Variants in MCM3AP observed in about 807,000 individuals in gnomAD.
The protein encoded by MCM3AP is minichromosome maintenance complex component 3 associated protein.
MCM3AP carries 126 observed loss-of-function variants against 184.1 expected under a neutral mutation model. The ratio of observed to expected loss-of-function variants is 0.68; its 90% CI spans 0.59 to 0.79. The LOEUF is 0.79. MCM3AP is among the 30% of genes least tolerant of loss of function. The probability of loss-of-function intolerance (pLI) is 0.00; values close to 1 mark genes in which losing one functional copy is unlikely to be tolerated. For missense variants in MCM3AP, 2,496 were observed against 2,479.2 expected, an observed-to-expected ratio of 1.01 and a Z score of -0.14; for synonymous variants, 1,002 against 979.3, an observed-to-expected ratio of 1.02 and a Z score of -0.43.
intron 10 of MCM3AP, chr21:46,266,780 G>A: frequency 1.7e-6 from 1 of 585,634 alleles, no homozygotes; most frequent in Non-Finnish European, 3.0e-6. Flanking sequence ...CAAAGAACTT[G>A]GTCTGAGCCC....
Position 46,284,609 on chromosome 21 carries a change from C to T in MCM3AP, c.678G>A (p.Leu226=), listed in dbSNP as rs374667971. The T allele has an allele frequency of 3.1e-6, 5 of 1,614,168 alleles. No homozygotes were observed. The highest frequency in any genetic ancestry group is 4.2e-6 in the Non-Finnish European group (5 of 1,180,030). The change falls in exon 1 of 28, where the codon TTG becomes TTA. Residue 226 remains leucine (L), a synonymous_variant. Coordinates refer to ENST00000291688, the MANE Select transcript of MCM3AP (RefSeq NM_003906.5). The part of the protein sequence containing the change: ...NNSLSAFTPA[L]SNQNVEEEKR... ...TCTCTTCCTCTACATTTTGGTTTGACAAAGCAGGGGTAAAGGCAGATAATG... is the reference window on the plus strand; with the variant it reads ...TCTCTTCCTCTACATTTTGGTTTGATAAAGCAGGGGTAAAGGCAGATAATG...
At chr21:46,258,055 G>A (rs1362865125) in intron 16 of MCM3AP, among the ~76,000 whole-genome samples, 2 of 152,070 alleles carry the variant, frequency 1.3e-5, no homozygotes, top group African/African-American at 4.8e-5. Flanking sequence ...CTACAGCCAA[G>A]CCTCCACCTC....
chr21:46,264,418 G>A (rs1335515395), intron 12 of MCM3AP, among the ~76,000 whole-genome samples: 2 of 152,174 alleles, frequency 1.3e-5, no homozygotes, highest in African/African-American at 4.8e-5. Context: ...CCCTGCGGAT[G>A]GCCACACAGC....
intron 16 of MCM3AP, among the ~76,000 whole-genome samples, chr21:46,257,234 GGAGGCCAAGGCGGGCGGACTGCCT>G (rs1032419903): frequency 5.3e-5 from 8 of 152,098 alleles, no homozygotes; most frequent in African/African-American, 1.7e-4. Flanking sequence ...CAGCACTTTG[GGAGGCCAAGGCGGGCGGACTGCCT>G]GAGCTCAAGA....
intron 15 of MCM3AP, 105 bp from the exon 16 acceptor site, chr21:46,259,196 C>T: frequency 8.8e-7 from 1 of 1,136,116 alleles, no homozygotes; most frequent in Admixed American, 2.4e-5. Context: ...TGGCTCACGC[C>T]TGTAATCCCA....
At chr21:46,275,521 T>C (rs1359723429) in intron 5 of MCM3AP, among the ~76,000 whole-genome samples, 196 bp from the exon 6 acceptor site, 2 of 152,060 alleles carry the variant, frequency 1.3e-5, no homozygotes, top group African/African-American at 4.8e-5. Flanking sequence ...CAGTGGGACA[T>C]CAAAGCTCCC....
intron 8 of MCM3AP, among the ~76,000 whole-genome samples, chr21:46,272,197 T>C (rs1308317814): frequency 1.3e-5 from 2 of 152,216 alleles, no homozygotes; most frequent in South Asian, 4.1e-4. Flanking sequence ...GACAAAACTA[T>C]CTGGGAACAG....
chr21:46,257,083 A>G (rs972774667), intron 16 of MCM3AP, 97 bp from the exon 17 acceptor site: 73 of 1,483,380 alleles, frequency 4.9e-5, no homozygotes, highest in South Asian at 1.8e-4. Flanking sequence ...AAGGAAGGAC[A>G]TCAAATGAGT....
At chr21:46,239,991 G>C in intron 26 of MCM3AP, among the ~76,000 whole-genome samples, 1 of 152,178 alleles carries the variant, frequency 6.6e-6, no homozygotes, top group East Asian at 1.9e-4. Context: ...GCGTTTTTGA[G>C]GAGTTTTACC....
At chr21:46,283,541 C>CAAA in intron 2 of MCM3AP, 74 bp downstream of exon 2, 38 of 810,326 alleles carry the variant, frequency 4.7e-5, no homozygotes, top group African/African-American at 1.1e-4. Context: ...ACTGAGGGAC[C>CAAA]AAAAAAAAAA....
chr21:46,260,070 C>T (rs2081021837), intron 15 of MCM3AP, among the ~76,000 whole-genome samples: 2 of 151,340 alleles, frequency 1.3e-5, no homozygotes, highest in South Asian at 2.1e-4. Flanking sequence ...AGCAAGACTC[C>T]GTCTTTAAAA....
At chr21:46,272,441 A>G in intron 8 of MCM3AP, 120 bp downstream of exon 8, 1 of 1,085,814 alleles carries the variant, frequency 9.2e-7, no homozygotes, top group African/African-American at 1.6e-5. Context: ...CTATCATCCC[A>G]ACATCTGCTA....
chr21:46,284,612 A>C lies in MCM3AP; in HGVS notation c.675T>G (p.Ala225=), dbSNP rs1372134436. The change falls in exon 1 of 28, where the codon GCT becomes GCG. Residue 225 remains alanine, a synonymous_variant. Transcript: ENST00000291688. ...CTTCCTCTACATTTTGGTTTGACAA[A>C]GCAGGGGTAAAGGCAGATAATGAAT... is the stretch of plus-strand genomic sequence containing the variant. The part of the protein sequence containing the change: ...SNNSLSAFTP[A]LSNQNVEEEK... The C allele has an allele frequency of 6.2e-7, 1 of 1,614,230 alleles. No individual in the cohort carries two copies. The highest frequency in any genetic ancestry group is 2.2e-5 in the East Asian group (1 of 44,890).
chr21:46,247,452 C>G (rs1374886790), intron 20 of MCM3AP, among the ~76,000 whole-genome samples: 1 of 60,588 alleles, frequency 1.7e-5, no homozygotes, highest in African/African-American at 6.2e-5. Context: ...GTGGCACGAT[C>G]TCAGCTCCCT....
At chr21:46,246,242 A>C (rs1030826270) in intron 22 of MCM3AP, 65 bp downstream of exon 22, 19 of 978,812 alleles carry the variant, frequency 1.9e-5, no homozygotes, top group Non-Finnish European at 3.0e-5. Flanking sequence ...CACTCAATTC[A>C]AGATACAGCA....
At chr21:46,266,443 A>G (rs965822321) in intron 10 of MCM3AP, 2 of 330,132 alleles carry the variant, frequency 6.1e-6, no homozygotes, top group Non-Finnish European at 1.1e-5. Flanking sequence ...ACAGAACTGG[A>G]AGGAGGAGAC....
rs1340171549 is a variant in MCM3AP at position 46,237,441 on chromosome 21, G to GCCTCCTCCAGATGCTAGGCATCA, written c.5634-463_5634-462insTGATGCCTAGCATCTGGAGGAGG. On this transcript the variant is annotated intron_variant, in intron 26 of 27. Transcript: ENST00000291688. ...TTTTTTTTTGACAAGGTCTCGCTCT[G>GCCTCCTCCAGATGCTAGGCATCA]TTGGCCAGGCCGGAGTGCAGTGTTA... Among the ~76,000 whole-genome samples the GCCTCCTCCAGATGCTAGGCATCA allele has an allele frequency of 1.8e-3, 99 of 54,270 alleles. 1 individual carries two copies. Among genetic ancestry groups the GCCTCCTCCAGATGCTAGGCATCA allele is most frequent in the Admixed American group, 3.8e-3 (17 of 4,510 alleles). The allele number at this position is 54,270 out of a possible 152,430, so 35.6% of individuals were successfully genotyped here.
Position 46,264,229 on chromosome 21 carries a change from C to G in MCM3AP, c.3235-12G>C, listed in dbSNP as rs1421728160. On this transcript the variant is annotated splice_polypyrimidine_tract_variant and intron_variant, in intron 12 of 27. Transcript: ENST00000291688. ...ACCTGCGCCAGGTCCTGTGGAGAGA[C>G]CAGCATGGGGTGTAATGGAACGTCC... 1.3e-6 allele frequency: 2 copies of G among 1,574,964 alleles called. No individual in the cohort carries two copies. Among genetic ancestry groups the G allele is most frequent in the East Asian group, 4.5e-5 (2 of 44,496 alleles).
chr21:46,271,193 G>A (rs2081174482), intron 8 of MCM3AP, among the ~76,000 whole-genome samples: 1 of 150,970 alleles, frequency 6.6e-6, no homozygotes, highest in African/African-American at 2.4e-5. Context: ...CAGAGTACTT[G>A]CTCTATCACC....
Sources: allele counts gnomAD v4.1 joint callset (sites outside exome capture counted in the v4.1 genomes callset), GRCh38; gene constraint gnomAD v4.1.1; transcripts MANE v1.5; gene names NCBI Gene and HGNC (gene_info 2026-07-23, HGNC 2026-07-21).